GFI1B: variants seen among roughly 807,000 people sequenced by gnomAD.
GFI1B encodes the protein growth factor independent 1B transcriptional repressor, also known as zinc finger protein Gfi-1b.
In GFI1B, 20 loss-of-function variants were observed where a neutral mutation model predicts 35.3. The observed-to-expected ratio is 0.57, with a 90% CI of 0.40 to 0.82. The LOEUF (loss-of-function observed/expected upper bound fraction) is 0.82, where lower values mean the gene tolerates loss of function less well. GFI1B is among the 40% of genes least tolerant of loss of function. The probability of loss-of-function intolerance (pLI) is 0.00; values close to 1 mark genes in which losing one functional copy is unlikely to be tolerated. For synonymous variants in GFI1B, 178 were observed against 177.6 expected (o/e 1.00, Z -0.02); for missense variants, 430 against 446.3 (o/e 0.96, Z 0.33).
chr9:132,990,365 G>T (rs975724297), intron 6 of GFI1B, among the ~76,000 whole-genome samples: 2 of 150,364 alleles, frequency 1.3e-5, no homozygotes, highest in African/African-American at 4.9e-5. Flanking sequence ...TCATTCATTT[G>T]TTCACTCATT....
intron 1 of GFI1B, among the ~76,000 whole-genome samples, chr9:132,967,305 A>G (rs969137794): frequency 2.0e-5 from 3 of 152,246 alleles, no homozygotes; most frequent in African/African-American, 7.2e-5. Context: ...ATAGCAGCAG[A>G]AAATGGACTA....
intron 1 of GFI1B, among the ~76,000 whole-genome samples, chr9:132,948,590 C>G (rs10793948): frequency 0.7 from 106,639 of 152,192 alleles, 37,496 homozygotes; most frequent in South Asian, 0.78. Context: ...GCTTTCAGCT[C>G]TCTGTGCAGC....
chr9:132,966,671 C>A (rs1400426727), intron 1 of GFI1B, among the ~76,000 whole-genome samples: 1 of 152,206 alleles, frequency 6.6e-6, no homozygotes, highest in Non-Finnish European at 1.5e-5. Flanking sequence ...GTTTGCTTGG[C>A]GACAAAGTCC....
intron 3 of GFI1B, among the ~76,000 whole-genome samples, 177 bp downstream of exon 3, chr9:132,987,596 C>T (rs1162869191): frequency 3.9e-5 from 6 of 152,102 alleles, no homozygotes; most frequent in South Asian, 2.1e-4. Flanking sequence ...AGCTAATTCC[C>T]GGATGTGGGC....
chr9:132,962,145 TTTTTTC>T (rs932538118), intron 1 of GFI1B, among the ~76,000 whole-genome samples: 2 of 149,146 alleles, frequency 1.3e-5, no homozygotes, highest in Non-Finnish European at 3.0e-5. Context: ...TTCTTTTTTT[TTTTTTC>T]TTTTGAGACA....
downstream of GFI1B, among the ~76,000 whole-genome samples, chr9:132,992,813 C>T (rs1247048913): frequency 6.6e-6 from 1 of 152,146 alleles, no homozygotes. Context: ...AGCCGCACCC[C>T]ACCCCCCATC....
Position 132,991,392 on chromosome 9 carries a change from G to T in GFI1B, c.*342G>T, listed in dbSNP as rs946704557. ...GAGTAGACCAGAGCTGGGACCCACA[G>T]ACAGAACCTCCACCTGCCTGCTGCC... On this transcript the variant is annotated 3_prime_UTR_variant, in exon 7 of 7. Coordinates refer to ENST00000372122, the MANE Select transcript of GFI1B (RefSeq NM_001377304.1). 1.8e-5 allele frequency: 6 copies of T among 330,560 alleles called. No homozygotes were observed. Among genetic ancestry groups the T allele is most frequent in the Admixed American group, 1.3e-4 (3 of 22,806 alleles). The allele number at this position is 330,560 out of a possible 1,614,324, so 20.5% of individuals were successfully genotyped here.
chr9:132,976,788 A>T (rs187042470), upstream of GFI1B, among the ~76,000 whole-genome samples: 350 of 152,104 alleles, frequency 2.3e-3, no homozygotes, highest in African/African-American at 7.5e-3. Flanking sequence ...TAAAAAAAAT[A>T]AAAAAATTAA....
At chr9:132,955,312 C>G (rs1404849385) in intron 1 of GFI1B, among the ~76,000 whole-genome samples, 4 of 151,626 alleles carry the variant, frequency 2.6e-5, no homozygotes, top group African/African-American at 7.3e-5. Flanking sequence ...TTTTTTGAGA[C>G]AGGGTCTTAC....
Position 132,989,955 on chromosome 9 carries a change from C to T in GFI1B, c.814+48C>T. 1.3e-6 allele frequency: 2 copies of T among 1,563,084 alleles called. No individual in the cohort carries two copies. Among genetic ancestry groups the T allele is most frequent in the Non-Finnish European group, 1.8e-6 (2 of 1,134,774 alleles). On this transcript the variant is annotated intron_variant, in intron 6 of 6. Transcript: ENST00000372122. This position sits in a 1 kb window ranked among gnomAD's most constrained non-coding sequence, Gnocchi z 6.2. ...TGCCCCCTGGGCAGAGCACCCCCAC[C>T]TTTCCCTGAGAGATGCATCAGAGGC... is the stretch of plus-strand genomic sequence containing the variant.
intron 1 of GFI1B, among the ~76,000 whole-genome samples, chr9:132,968,948 C>T (rs2132606805): frequency 6.6e-6 from 1 of 152,292 alleles, no homozygotes; most frequent in South Asian, 2.1e-4. Flanking sequence ...AACCAAAACT[C>T]TGTCCCCATT....
intron 1 of GFI1B, among the ~76,000 whole-genome samples, chr9:132,959,827 G>C (rs887496476): frequency 6.6e-6 from 1 of 152,178 alleles, no homozygotes; most frequent in Non-Finnish European, 1.5e-5. Context: ...CTTCATGCAG[G>C]CTTCTCCTCT....
rs747893910 is a variant in GFI1B at position 132,988,330 on chromosome 9, C to T, written c.372C>T (p.Ser124=). The T allele has an allele frequency of 1.2e-6, 2 of 1,614,232 alleles. No homozygotes were observed. Among genetic ancestry groups the T allele is most frequent in the Non-Finnish European group, 1.7e-6 (2 of 1,180,028 alleles). ...TYGHSYRQAP[S]TMQSAFLEHS... is the part of the protein sequence containing the mutation. ...GCCACAGCTACCGGCAGGCCCCCTC[C>T]ACCATGCAGTCAGCCTTCCTGGAGC... The change falls in exon 4 of 7, where the codon TCC becomes TCT. Residue 124 remains serine, a synonymous_variant. Transcript: ENST00000372122.
upstream of GFI1B, among the ~76,000 whole-genome samples, chr9:132,975,411 C>T (rs1239624714): frequency 6.6e-6 from 1 of 152,184 alleles, no homozygotes; most frequent in Non-Finnish European, 1.5e-5. Context: ...CTTTGAGACA[C>T]TTTTCCCTAC....
chr9:132,988,788 A>C (rs1451201646), intron 4 of GFI1B, among the ~76,000 whole-genome samples: 2 of 152,104 alleles, frequency 1.3e-5, no homozygotes, highest in Non-Finnish European at 2.9e-5. Flanking sequence ...CCAGCTCTTA[A>C]CCACTGGGCT....
intron 1 of GFI1B, among the ~76,000 whole-genome samples, chr9:132,965,557 GC>G (rs1848439116): frequency 6.6e-6 from 1 of 152,202 alleles, no homozygotes; most frequent in African/African-American, 2.4e-5. Context: ...GGATTAGCCG[GC>G]TGGGTTCTAA....
chr9:132,969,689 G>C lies in GFI1B; in HGVS notation c.-700-3036G>C, dbSNP rs145705547. ...GAACTGGGTGAGATGATTTGTAAAG[G>C]ACTCTTTCCTGTTTTCCAAATGAGC... On this transcript the variant is annotated intron_variant, in intron 1 of 10. Coordinates refer to the GFI1B transcript ENST00000339463. 5.5e-4 allele frequency among the ~76,000 whole-genome samples: 84 copies of C among 152,218 alleles called. 1 individual carries two copies. The East Asian group carries it at 9.7e-3, about 17-fold the overall frequency.
chr9:132,977,162 G>A (rs1385768130), upstream of GFI1B, among the ~76,000 whole-genome samples: 1 of 152,156 alleles, frequency 6.6e-6, no homozygotes, highest in Non-Finnish European at 1.5e-5. Flanking sequence ...TCTCCATGTT[G>A]GTCAGGCTGG....
chr9:132,976,537 A>C (rs997032346), upstream of GFI1B: 2 of 152,330 alleles, frequency 1.3e-5, no homozygotes, highest in Non-Finnish European at 2.9e-5. Context: ...CTGAGGCAGG[A>C]GGATCGCTTG....
Sources: allele counts gnomAD v4.1 joint callset (sites outside exome capture counted in the v4.1 genomes callset), GRCh38; gene constraint gnomAD v4.1.1; non-coding constraint Gnocchi (gnomAD v3.1); transcripts MANE v1.5; gene names NCBI Gene and HGNC (gene_info 2026-07-23, HGNC 2026-07-21).